The following SV2B variants were observed in gnomAD, a reference collection of about 807,000 sequenced individuals.
SV2B encodes the protein synaptic vesicle glycoprotein 2B, also known as solute carrier family 22 member B2.
SV2B carries 41 observed loss-of-function variants against 73.9 expected under a neutral mutation model. That is an observed-to-expected ratio of 0.56 (90% CI 0.43 to 0.72). SV2B has a LOEUF of 0.72. Ranked by LOEUF, SV2B falls within the 30% of genes least tolerant of loss-of-function variation. The pLI is 0.00. For synonymous variants in SV2B, 314 were observed against 314.2 expected, an observed-to-expected ratio of 1.00 and a Z score of 0.01; for missense variants, 764 against 857.8, an observed-to-expected ratio of 0.89 and a Z score of 1.37.
rs1002424450 is a variant in SV2B at position 91,121,875 on chromosome 15, C to T, written c.-392+21512C>T. 2.6e-5 allele frequency among the ~76,000 whole-genome samples: 4 copies of T among 151,594 alleles called. No homozygotes were observed. Among genetic ancestry groups the T allele is most frequent in the East Asian group, 1.9e-4 (1 of 5,138 alleles). On this transcript the variant is annotated intron_variant, in intron 1 of 12. Coordinates refer to ENST00000394232, the MANE Select transcript of SV2B (RefSeq NM_001323032.3). The surrounding 1 kb of genome is among the most constrained non-coding windows in gnomAD (Gnocchi z 4.4). ...CTGCAAGCTCTGCCTTCTGGGTTCA[C>T]GCCATTCTCCTGCCTCAGCCTCCCG...
intron 1 of SV2B, among the ~76,000 whole-genome samples, chr15:91,211,334 T>G (rs957106012): frequency 6.6e-6 from 1 of 152,056 alleles, no homozygotes; most frequent in Non-Finnish European, 1.5e-5. Flanking sequence ...GGATCATGGG[T>G]GTGTGGCCTT....
intron 1 of SV2B, among the ~76,000 whole-genome samples, chr15:91,178,994 A>G (rs1175935147): frequency 2.0e-5 from 3 of 151,184 alleles, no homozygotes; most frequent in Non-Finnish European, 2.9e-5. Flanking sequence ...TAGGGTGTCA[A>G]TTTTGGATCT....
intron 1 of SV2B, among the ~76,000 whole-genome samples, chr15:91,103,933 T>G (rs1403033194): frequency 6.6e-6 from 1 of 152,250 alleles, no homozygotes; most frequent in African/African-American, 2.4e-5. Flanking sequence ...CTTATTGATT[T>G]GCAGTGGTTG....
chr15:91,248,137 C>G (rs903482546), intron 2 of SV2B, among the ~76,000 whole-genome samples: 4 of 151,934 alleles, frequency 2.6e-5, no homozygotes, highest in African/African-American at 9.7e-5. Context: ...CTGGCTAACA[C>G]GGTGAAACCC....
chr15:91,152,377 C>T (rs911438276), intron 1 of SV2B, among the ~76,000 whole-genome samples: 1 of 152,140 alleles, frequency 6.6e-6, no homozygotes, highest in African/African-American at 2.4e-5. Flanking sequence ...TGGGATTTCC[C>T]AGCCTTGAGA....
intron 6 of SV2B, among the ~76,000 whole-genome samples, chr15:91,264,229 G>A (rs1007776101): frequency 6.6e-6 from 1 of 152,238 alleles, no homozygotes; most frequent in African/African-American, 2.4e-5. Context: ...GCCCCACTGG[G>A]AGCCCCATTT....
chr15:91,245,989 G>A lies in SV2B; in HGVS notation c.452-5830G>A, dbSNP rs1015484048. ...TCCCTTTATAGAAAAAGTTGGTGGA[G>A]CCTTAGTTTGGAACATCAGGGATGC... is the stretch of plus-strand genomic sequence containing the variant. On this transcript the variant is annotated intron_variant, in intron 2 of 12. Transcript: ENST00000394232. This position sits in a 1 kb window ranked among gnomAD's most constrained non-coding sequence, Gnocchi z 4.2. Among the ~76,000 whole-genome samples the A allele has an allele frequency of 6.6e-6, 1 of 150,442 alleles. No individual in the cohort carries two copies. The highest frequency in any genetic ancestry group is 1.5e-5 in the Non-Finnish European group (1 of 67,882).
intron 2 of SV2B, among the ~76,000 whole-genome samples, chr15:91,230,285 G>A (rs948911940): frequency 4.6e-5 from 7 of 150,774 alleles, no homozygotes; most frequent in Non-Finnish European, 7.4e-5. Flanking sequence ...AAAGAAAGTC[G>A]CTGAAAGTGA....
At chr15:91,277,001 T>C (rs898324373) in intron 9 of SV2B, among the ~76,000 whole-genome samples, 2 of 152,120 alleles carry the variant, frequency 1.3e-5, no homozygotes, top group African/African-American at 4.8e-5. Flanking sequence ...TTTGTATTTT[T>C]AGTAGAGACG....
In SV2B at chr15:91,288,672, CTTCT is replaced by C. The variant is rs748745890; in HGVS notation, c.1709-846_1709-843del. ...CTCTCTCTCTCTCCTTCCTTCCTTCCTTCTTTTTCTCTTTCTTCTTTTTTTGACA... is the reference window on the plus strand; with the variant it reads ...CTCTCTCTCTCTCCTTCCTTCCTTCCTTTTCTCTTTCTTCTTTTTTTGACA... On this transcript the variant is annotated intron_variant, in intron 11 of 12. Coordinates refer to ENST00000394232, the MANE Select transcript of SV2B (RefSeq NM_001323032.3). The surrounding 1 kb of genome is among the most constrained non-coding windows in gnomAD (Gnocchi z 5.8). Among the ~76,000 whole-genome samples, 8 of 149,620 alleles carry C rather than the reference CTTCT, an allele frequency of 5.3e-5. No homozygotes were observed. Among genetic ancestry groups the C allele is most frequent in the African/African-American group, 2.0e-4 (8 of 40,580 alleles).
chr15:91,158,675 T>TCTTCCCTTCCCTTCC (rs2043582957), intron 1 of SV2B, among the ~76,000 whole-genome samples: 1 of 60,558 alleles, frequency 1.7e-5, no homozygotes, highest in African/African-American at 6.6e-5. Context: ...TCTTCTCTTC[T>TCTTCCCTTCCCTTCC]CTTCTCTTCT....
chr15:91,189,993 AAAAG>A (rs540890081), intron 1 of SV2B, among the ~76,000 whole-genome samples: 47 of 152,318 alleles, frequency 3.1e-4, no homozygotes, highest in African/African-American at 8.7e-4. Flanking sequence ...ATCTCAAAAA[AAAAG>A]AAAGAAAGAA....
chr15:91,184,874 A>G (rs2044712603), intron 1 of SV2B, among the ~76,000 whole-genome samples: 1 of 152,244 alleles, frequency 6.6e-6, no homozygotes, highest in South Asian at 2.1e-4. Flanking sequence ...GCATAAATGT[A>G]CACAGGCAGA....
intron 2 of SV2B, among the ~76,000 whole-genome samples, chr15:91,249,074 A>G (rs56097435): frequency 8.6e-5 from 2 of 23,170 alleles, no homozygotes; most frequent in South Asian, 4.1e-3. Flanking sequence ...GTTTTCACAC[A>G]CACACACACA....
Position 91,223,768 on chromosome 15 carries a change from C to T in SV2B, c.-391-2105C>T, listed in dbSNP as rs2046289840. 6.6e-6 allele frequency among the ~76,000 whole-genome samples: 1 copy of T among 152,214 alleles called. No homozygotes were observed. Among genetic ancestry groups the T allele is most frequent in the Non-Finnish European group, 1.5e-5 (1 of 68,040 alleles). Reference sequence around the variant, plus strand: ...ACATGGTCTAATAGAAATTTATTTACTGGAGATGGTGAAAAATCGGAAAGA... The same window carrying T: ...ACATGGTCTAATAGAAATTTATTTATTGGAGATGGTGAAAAATCGGAAAGA... On this transcript the variant is annotated intron_variant, in intron 1 of 12. Coordinates refer to ENST00000394232, the MANE Select transcript of SV2B (RefSeq NM_001323032.3). This position sits in a 1 kb window ranked among gnomAD's most constrained non-coding sequence, Gnocchi z 4.6.
At chr15:91,172,536 G>A (rs2044159415) in intron 1 of SV2B, among the ~76,000 whole-genome samples, 1 of 152,228 alleles carries the variant, frequency 6.6e-6, no homozygotes, top group Non-Finnish European at 1.5e-5. Context: ...ACAGAGGGAG[G>A]CACGAAAGAG....
chr15:91,180,925 G>A (rs545623618), intron 1 of SV2B, among the ~76,000 whole-genome samples: 17 of 152,258 alleles, frequency 1.1e-4, no homozygotes, highest in Admixed American at 3.9e-4. Flanking sequence ...GCTTTGTTCC[G>A]TTGCTGGTGA....
intron 1 of SV2B, among the ~76,000 whole-genome samples, chr15:91,131,635 T>G (rs1301988815): frequency 6.7e-6 from 1 of 149,108 alleles, no homozygotes; most frequent in Non-Finnish European, 1.5e-5. Context: ...TGAGACTCTA[T>G]TGCTACAAAA....
intron 1 of SV2B, among the ~76,000 whole-genome samples, chr15:91,205,648 G>T (rs911580013): frequency 6.6e-6 from 1 of 152,158 alleles, no homozygotes; most frequent in African/African-American, 2.4e-5. Flanking sequence ...TTACAGGTGT[G>T]AGCCACCACG....
Sources: gnomAD v4.1 joint callset for allele counts (sites outside exome capture counted in the v4.1 genomes callset) on GRCh38, gnomAD v4.1.1 for gene constraint, Gnocchi (gnomAD v3.1) non-coding constraint, MANE v1.5 for transcripts, NCBI Gene and HGNC (gene_info 2026-07-23, HGNC 2026-07-21) for gene names.